RAD51B: variants seen among roughly 807,000 people sequenced by gnomAD.
RAD51B encodes the protein DNA repair protein RAD51 homolog 2.
Under a neutral mutation model 42.2 loss-of-function variants are expected in RAD51B, and 38 were observed. The observed-to-expected ratio is 0.90, with a 90% CI of 0.70 to 1.18. RAD51B has a LOEUF of 1.18. RAD51B is among the 50% of genes most tolerant of loss of function. The pLI is 0.00. For missense variants in RAD51B, 373 were observed against 400.7 expected (o/e 0.93, Z 0.59); for synonymous variants, 154 against 145.2 (o/e 1.06, Z -0.43).
At chr14:67,934,524 C>G (rs2044863513) in intron 7 of RAD51B, among the ~76,000 whole-genome samples, 1 of 151,980 alleles carries the variant, frequency 6.6e-6, no homozygotes, top group South Asian at 2.1e-4. Context: ...GCTGAGGATA[C>G]GAGATGCTGT....
chr14:68,121,024 G>A (rs1362217667), intron 7 of RAD51B, among the ~76,000 whole-genome samples: 1 of 152,146 alleles, frequency 6.6e-6, no homozygotes, highest in Non-Finnish European at 1.5e-5. Context: ...TTTAGAGAAG[G>A]TATAATGTAA....
At chr14:68,681,046 A>G (rs1321542875) in intron 11 of RAD51B, among the ~76,000 whole-genome samples, 1 of 152,110 alleles carries the variant, frequency 6.6e-6, no homozygotes, top group Non-Finnish European at 1.5e-5. Context: ...ACCTCTTTTT[A>G]AACTCCAGGC....
intron 10 of RAD51B, among the ~76,000 whole-genome samples, chr14:68,500,900 G>C (rs1884872318): frequency 6.6e-6 from 1 of 152,206 alleles, no homozygotes; most frequent in African/African-American, 2.4e-5. Flanking sequence ...TGGCTGTTAA[G>C]AAGAGCTCTG....
intron 10 of RAD51B, among the ~76,000 whole-genome samples, chr14:68,576,206 G>A (rs1233038559): frequency 2.0e-5 from 3 of 152,126 alleles, no homozygotes; most frequent in South Asian, 2.1e-4. Flanking sequence ...CACATTTGCC[G>A]GACACAAAAG....
At chr14:67,943,430 A>G (rs896970488) in intron 7 of RAD51B, among the ~76,000 whole-genome samples, 8 of 152,188 alleles carry the variant, frequency 5.3e-5, no homozygotes, top group Admixed American at 3.3e-4. Context: ...ACTAAAGCCT[A>G]CATTTTTGTA....
intron 7 of RAD51B, among the ~76,000 whole-genome samples, chr14:68,204,796 A>G (rs939356874): frequency 6.6e-6 from 1 of 152,220 alleles, no homozygotes; most frequent in Non-Finnish European, 1.5e-5. Context: ...CTTTATAAGA[A>G]TTAAAAATTG....
chr14:68,326,218 T>TTAATAGAGACGGAGTTTCTCCATGTTGG (rs1444368365), intron 8 of RAD51B, among the ~76,000 whole-genome samples: 1 of 151,886 alleles, frequency 6.6e-6, no homozygotes, highest in Non-Finnish European at 1.5e-5. Context: ...TGTTGTATTT[T>TTAATAGAGACGGAGTTTCTCCATGTTGG]TAATAGAGAC....
intron 7 of RAD51B, among the ~76,000 whole-genome samples, chr14:67,927,788 G>A (rs1328719448): frequency 0.025 from 3,676 of 148,816 alleles, 211 homozygotes; most frequent in African/African-American, 0.09. Flanking sequence ...CATATATAAT[G>A]TGTGTGTCTT....
chr14:68,451,133 T>G (rs572976774), intron 9 of RAD51B, among the ~76,000 whole-genome samples: 2 of 152,360 alleles, frequency 1.3e-5, no homozygotes, highest in Non-Finnish European at 2.9e-5. Flanking sequence ...GTAGGTAGAC[T>G]GCCTGGAAAC....
chr14:68,490,362 C>T (rs1406967304), intron 10 of RAD51B, among the ~76,000 whole-genome samples: 1 of 152,108 alleles, frequency 6.6e-6, no homozygotes, highest in Non-Finnish European at 1.5e-5. Flanking sequence ...GGGGTTGAAA[C>T]TTGTGGATCT....
At chr14:68,460,825 G>A (rs1989974) in intron 9 of RAD51B, among the ~76,000 whole-genome samples, 6,662 of 152,244 alleles carry the variant, frequency 0.044, 197 homozygotes, top group Non-Finnish European at 0.061. Context: ...GTGATTGACT[G>A]GGAAGCCTGC....
At chr14:68,089,959 G>T (rs2077062177) in intron 7 of RAD51B, among the ~76,000 whole-genome samples, 1 of 151,918 alleles carries the variant, frequency 6.6e-6, no homozygotes, top group African/African-American at 2.4e-5. Flanking sequence ...TATTATTTTA[G>T]ATTTATATAT....
At chr14:67,887,481 T>C in intron 7 of RAD51B, 1 of 257,000 alleles carries the variant, frequency 3.9e-6, no homozygotes, top group Non-Finnish European at 7.5e-6. Context: ...TTCCTTCTCA[T>C]TGTTTACTCT....
intron 8 of RAD51B, among the ~76,000 whole-genome samples, chr14:68,302,011 A>G (rs544818430): frequency 3.2e-4 from 49 of 152,238 alleles, no homozygotes; most frequent in Non-Finnish European, 6.3e-4. Flanking sequence ...GTTAATAAAT[A>G]CTGTATGATG....
intron 7 of RAD51B, among the ~76,000 whole-genome samples, chr14:67,949,032 A>G (rs1290451297): frequency 6.6e-6 from 1 of 151,432 alleles, no homozygotes; most frequent in Non-Finnish European, 1.5e-5. Context: ...TCAGTGAGTC[A>G]TAAGCTTTTT....
intron 5 of RAD51B, among the ~76,000 whole-genome samples, chr14:67,876,772 G>A (rs368772973): frequency 8.5e-5 from 13 of 152,242 alleles, no homozygotes; most frequent in South Asian, 4.2e-4. Context: ...GTGGATGTAG[G>A]GTTAGGCTAA....
intron 10 of RAD51B, among the ~76,000 whole-genome samples, chr14:68,554,042 G>A (rs560155984): frequency 6.6e-6 from 1 of 152,232 alleles, no homozygotes; most frequent in South Asian, 2.1e-4. Flanking sequence ...CAATACATAA[G>A]TCCAATCTCA....
intron 10 of RAD51B, among the ~76,000 whole-genome samples, chr14:68,475,766 G>A (rs533904898): frequency 2.0e-5 from 3 of 152,116 alleles, no homozygotes; most frequent in Non-Finnish European, 4.4e-5. Flanking sequence ...CTGGACTATA[G>A]TTAGACTGGA....
At chr14:68,601,177 C>T (rs141758089) in intron 10 of RAD51B, among the ~76,000 whole-genome samples, 6 of 152,210 alleles carry the variant, frequency 3.9e-5, no homozygotes, top group African/African-American at 1.2e-4. Flanking sequence ...TGCGGCCACT[C>T]TCTGAAGCCT....
Sources: allele counts gnomAD v4.1 joint callset (sites outside exome capture counted in the v4.1 genomes callset), GRCh38; gene constraint gnomAD v4.1.1; transcripts MANE v1.5; gene names NCBI Gene and HGNC (gene_info 2026-07-23, HGNC 2026-07-21).